DLG2: variants seen among roughly 807,000 people sequenced by gnomAD.
DLG2 encodes disks large homolog 2.
DLG2 carries 45 observed loss-of-function variants against 132.5 expected under a neutral mutation model. The observed-to-expected ratio is 0.34, with a 90% CI of 0.27 to 0.44. DLG2 has a LOEUF of 0.44. DLG2 is among the 20% of genes least tolerant of loss of function. DLG2 has a pLI of 1.00. For synonymous variants in DLG2, 424 were observed against 419.6 expected (o/e 1.01, Z -0.13); for missense variants, 1,045 against 1,196.9 (o/e 0.87, Z 1.87).
intron 18 of DLG2, among the ~76,000 whole-genome samples, chr11:83,668,704 CACATATATATGTGTATAT>C (rs769380503): frequency 0.23 from 5,253 of 22,642 alleles, 201 homozygotes; most frequent in Middle Eastern, 0.4. Context: ...TGTATATAAA[CACATATATATGTGTATAT>C]AAACACATAT....
At chr11:85,396,237 C>CA (rs2087352362) in intron 3 of DLG2, among the ~76,000 whole-genome samples, 1 of 152,146 alleles carries the variant, frequency 6.6e-6, no homozygotes, top group African/African-American at 2.4e-5. Flanking sequence ...TCAACAACAA[C>CA]AAAGAAGACA....
rs77385858 is a variant in DLG2, at chr11:84,321,458, T to A, written c.520-70167A>T. 5.0e-3 allele frequency among the ~76,000 whole-genome samples: 761 copies of A among 152,316 alleles called. 48 individuals carry two copies. The East Asian group carries it at 0.13, about 26-fold the overall frequency. ...ACTATAATCTTTAAAGTAGTTTGGA[T>A]GGTCTTTAATCATGACCCATGTGAT... On this transcript the variant is annotated intron_variant, in intron 7 of 27. Transcript: ENST00000376104.
intron 6 of DLG2, among the ~76,000 whole-genome samples, chr11:84,719,345 C>G (rs545682639): frequency 6.6e-6 from 1 of 152,170 alleles, no homozygotes; most frequent in East Asian, 1.9e-4. Flanking sequence ...GAAGAAAGCT[C>G]TCTCTCTTTC....
intron 6 of DLG2, among the ~76,000 whole-genome samples, chr11:84,823,541 C>T (rs1329936578): frequency 6.7e-6 from 1 of 148,410 alleles, no homozygotes; most frequent in Admixed American, 6.8e-5. Flanking sequence ...CTTAGAGTGG[C>T]CTTCCTGAAC....
At chr11:85,184,551 G>C (rs1278589282) in intron 4 of DLG2, among the ~76,000 whole-genome samples, 1 of 151,736 alleles carries the variant, frequency 6.6e-6, no homozygotes, top group Non-Finnish European at 1.5e-5. Flanking sequence ...GCCATGCTTG[G>C]AGATATAACT....
intron 6 of DLG2, among the ~76,000 whole-genome samples, chr11:84,742,710 G>A (rs1367203034): frequency 1.3e-5 from 2 of 152,080 alleles, no homozygotes; most frequent in African/African-American, 4.8e-5. Flanking sequence ...TACATTCTGT[G>A]GGTTTGGATA....
chr11:85,458,393 A>G lies in DLG2; in HGVS notation c.40+140264T>C, dbSNP rs73491977. Among the ~76,000 whole-genome samples the G allele has an allele frequency of 6.9e-3, 1,044 of 152,198 alleles. 12 individuals carry two copies. Among genetic ancestry groups the G allele is most frequent in the African/African-American group, 0.023 (970 of 41,502 alleles). On this transcript the variant is annotated intron_variant, in intron 3 of 27. Transcript: ENST00000376104. Reference sequence around the variant, plus strand: ...GACTTTGACATTGTTTTCAACCTCAATGATCTTCATTCCTATCCATATTCT... The same window carrying G: ...GACTTTGACATTGTTTTCAACCTCAGTGATCTTCATTCCTATCCATATTCT...
At chr11:85,038,306 T>C (rs1341298845) in intron 6 of DLG2, among the ~76,000 whole-genome samples, 1 of 152,054 alleles carries the variant, frequency 6.6e-6, no homozygotes, top group South Asian at 2.1e-4. Context: ...TTAATCCCAT[T>C]TTTTTTCACA....
chr11:84,669,275 A>G (rs2099703189), intron 6 of DLG2, among the ~76,000 whole-genome samples: 1 of 152,084 alleles, frequency 6.6e-6, no homozygotes, highest in Admixed American at 6.6e-5. Context: ...ATGGCAAGGA[A>G]GCTGAAACAA....
chr11:84,900,412 G>A (rs745698685), intron 6 of DLG2, among the ~76,000 whole-genome samples: 24 of 151,952 alleles, frequency 1.6e-4, no homozygotes, highest in South Asian at 4.1e-4. Flanking sequence ...GAATACAATC[G>A]CAAATAAGCA....
chr11:84,646,149 G>A (rs2099674653), intron 6 of DLG2, among the ~76,000 whole-genome samples: 1 of 152,194 alleles, frequency 6.6e-6, no homozygotes, highest in Non-Finnish European at 1.5e-5. Flanking sequence ...GTATTCTCTA[G>A]CACTGGTTTG....
chr11:85,231,527 C>A (rs2075299284), intron 4 of DLG2, among the ~76,000 whole-genome samples: 1 of 151,880 alleles, frequency 6.6e-6, no homozygotes, highest in South Asian at 2.1e-4. Context: ...GTTTGCTAAT[C>A]CTAATATTTC....
intron 18 of DLG2, among the ~76,000 whole-genome samples, chr11:83,758,313 C>G (rs903492961): frequency 6.6e-6 from 1 of 152,102 alleles, no homozygotes; most frequent in African/African-American, 2.4e-5. Context: ...CATCCAATTA[C>G]CCCACAGAAC....
intron 7 of DLG2, among the ~76,000 whole-genome samples, chr11:84,396,235 G>T (rs571114306): frequency 2.0e-5 from 3 of 152,108 alleles, no homozygotes; most frequent in Non-Finnish European, 4.4e-5. Flanking sequence ...TTTCCAGGAA[G>T]GACTTTGAAG....
rs1198200260 is a variant in DLG2 at position 84,502,142 on chromosome 11, TTTCC to T, written c.519+32424_519+32427del. 1.6e-4 allele frequency among the ~76,000 whole-genome samples: 11 copies of T among 68,910 alleles called. 1 individual carries two copies. The highest frequency in any genetic ancestry group is 2.7e-4 in the East Asian group (1 of 3,666). 45.2% of individuals were successfully genotyped at this position (68,910 alleles called of 152,430 possible). A position where few individuals can be genotyped will look rare whatever the true frequency, so the allele number is the denominator to read the frequency against. On this transcript the variant is annotated intron_variant, in intron 7 of 27. Transcript: ENST00000376104. ...TCTCTCTTTCTCTCTTTCTCCTTTC[TTTCC>T]TTCCTTCCTTCCTTTCTCTCTCTCT...
chr11:84,314,535 A>C (rs1404346112), intron 7 of DLG2, among the ~76,000 whole-genome samples: 3 of 152,156 alleles, frequency 2.0e-5, no homozygotes, highest in Non-Finnish European at 4.4e-5. Flanking sequence ...ACAGATCTAT[A>C]AATATACATA....
At chr11:83,879,402 A>G (rs1004958372) in intron 15 of DLG2, among the ~76,000 whole-genome samples, 6 of 152,108 alleles carry the variant, frequency 3.9e-5, no homozygotes, top group African/African-American at 9.7e-5. Context: ...TCCACTTCTA[A>G]TGAACTTGCA....
intron 7 of DLG2, among the ~76,000 whole-genome samples, chr11:84,490,061 A>G (rs1328146424): frequency 6.6e-6 from 1 of 152,188 alleles, no homozygotes; most frequent in African/African-American, 2.4e-5. Flanking sequence ...TCATTAACAA[A>G]TATCGAGAAA....
chr11:85,223,629 A>T (rs534077817), intron 4 of DLG2, among the ~76,000 whole-genome samples: 87 of 152,118 alleles, frequency 5.7e-4, no homozygotes, highest in African/African-American at 1.8e-3. Context: ...ATAGAAGGAG[A>T]CCTGCTGTTT....
Sources: allele counts gnomAD v4.1 joint callset (sites outside exome capture counted in the v4.1 genomes callset), GRCh38; gene constraint gnomAD v4.1.1; transcripts MANE v1.5; gene names NCBI Gene and HGNC (gene_info 2026-07-23, HGNC 2026-07-21).